Variants in TEX9 observed in about 807,000 individuals in gnomAD.
TEX9 encodes the protein testis expressed 9.
Under a neutral mutation model 59.6 loss-of-function variants are expected in TEX9, and 74 were observed. The ratio of observed to expected loss-of-function variants is 1.24; its 90% CI spans 1.03 to 1.51. TEX9 has a LOEUF of 1.51. Among genes scored for constraint, TEX9 ranks in the 40% most tolerant of loss-of-function variants. TEX9 has a pLI of 0.00. For missense variants in TEX9, 522 were observed against 447.8 expected, an observed-to-expected ratio of 1.17 and a Z score of -1.49; for synonymous variants, 186 against 152.2, an observed-to-expected ratio of 1.22 and a Z score of -1.64.
At chr15:56,459,174 C>G in the TEX9 span, among the ~76,000 whole-genome samples, 1 of 152,192 alleles carries the variant, frequency 6.6e-6, no homozygotes, top group Non-Finnish European at 1.5e-5. Flanking sequence ...CATGGATTTG[C>G]ATATTCTGGA....
At chr15:56,452,085 C>T in the TEX9 span, among the ~76,000 whole-genome samples, 1 of 152,178 alleles carries the variant, frequency 6.6e-6, no homozygotes, top group Non-Finnish European at 1.5e-5. Context: ...TACTTGTCTT[C>T]CCTGTCCTAT....
intron 10 of TEX9, among the ~76,000 whole-genome samples, chr15:56,422,356 A>T (rs1436611150): frequency 6.6e-6 from 1 of 151,682 alleles, no homozygotes; most frequent in African/African-American, 2.4e-5. Context: ...TATGGTTGGG[A>T]TTAACTCTAT....
chr15:56,306,485 T>C (rs1231717439), intron 1 of TEX9, among the ~76,000 whole-genome samples: 2 of 152,186 alleles, frequency 1.3e-5, no homozygotes, highest in African/African-American at 2.4e-5. Flanking sequence ...AGGTTTATTA[T>C]GTTAAGTGAA....
At chr15:56,267,956 G>C (rs774299457) in intron 1 of TEX9, among the ~76,000 whole-genome samples, 16 of 152,100 alleles carry the variant, frequency 1.1e-4, no homozygotes, top group Admixed American at 6.6e-4. Context: ...CTTCCTGTCT[G>C]TGAGCATGAA....
intron 12 of TEX9, among the ~76,000 whole-genome samples, chr15:56,436,790 A>G (rs2050733613): frequency 6.6e-6 from 1 of 152,200 alleles, no homozygotes; most frequent in South Asian, 2.1e-4. Context: ...CACAGATCCA[A>G]CGGAAATACT....
At chr15:56,291,390 A>G (rs1265861772) in intron 1 of TEX9, among the ~76,000 whole-genome samples, 1 of 152,170 alleles carries the variant, frequency 6.6e-6, no homozygotes, top group Non-Finnish European at 1.5e-5. Flanking sequence ...AGTTGATAAC[A>G]TAAGACAACA....
chr15:56,280,589 A>G (rs1418942870), intron 1 of TEX9, among the ~76,000 whole-genome samples: 2 of 152,256 alleles, frequency 1.3e-5, no homozygotes, highest in African/African-American at 4.8e-5. Context: ...CTATTCTAAC[A>G]ATTTCCAATA....
At chr15:56,273,056 C>T (rs1177370604) in intron 1 of TEX9, among the ~76,000 whole-genome samples, 1 of 151,874 alleles carries the variant, frequency 6.6e-6, no homozygotes, top group Non-Finnish European at 1.5e-5. Context: ...CGAGTTCAAG[C>T]AATTCTTCTG....
At chr15:56,276,009 A>G (rs1438893789) in intron 1 of TEX9, among the ~76,000 whole-genome samples, 1 of 152,016 alleles carries the variant, frequency 6.6e-6, no homozygotes. Flanking sequence ...AGTCAGTCTT[A>G]TGTCCTGTTG....
At chr15:56,333,181 C>G (rs961876301) in intron 1 of TEX9, among the ~76,000 whole-genome samples, 2 of 151,912 alleles carry the variant, frequency 1.3e-5, no homozygotes, top group Non-Finnish European at 2.9e-5. Context: ...ACAGTGTTAC[C>G]CTGACACCAA....
At chr15:56,309,724 T>TTTTTTTTTAAA (rs2045566144) in intron 1 of TEX9, among the ~76,000 whole-genome samples, 1 of 100,690 alleles carries the variant, frequency 9.9e-6, no homozygotes, top group Non-Finnish European at 2.0e-5. Flanking sequence ...TTTTTTTTTT[T>TTTTTTTTTAAA]AAAGCAGTGA....
At chr15:56,364,974 T>C (rs1011485385), upstream of TEX9, among the ~76,000 whole-genome samples, 1 of 152,192 alleles carries the variant, frequency 6.6e-6, no homozygotes, top group East Asian at 1.9e-4. Flanking sequence ...GCCAGGATAA[T>C]AATTTAGGTT....
At chr15:56,356,214 T>G (rs2046681707) in intron 1 of TEX9, among the ~76,000 whole-genome samples, 1 of 152,148 alleles carries the variant, frequency 6.6e-6, no homozygotes, top group South Asian at 2.1e-4. Context: ...TTTCTGACAT[T>G]AAGAGGAAGG....
intron 9 of TEX9, chr15:56,408,573 A>C (rs1271639409): frequency 2.6e-5 from 4 of 152,078 alleles, no homozygotes; most frequent in African/African-American, 9.7e-5. Context: ...CCCACTTGAT[A>C]TCTCTATTGT....
At chr15:56,261,674 G>A (rs556627299) in intron 1 of TEX9, among the ~76,000 whole-genome samples, 47 of 151,938 alleles carry the variant, frequency 3.1e-4, no homozygotes, top group South Asian at 6.2e-4. Context: ...CTAAGCTAAC[G>A]CCATTGCACT....
intron 1 of TEX9, among the ~76,000 whole-genome samples, chr15:56,355,275 TTATAAG>T (rs1252510418): frequency 2.6e-5 from 4 of 152,190 alleles, no homozygotes; most frequent in Admixed American, 1.3e-4. Flanking sequence ...CTGTGTTGTA[TTATAAG>T]TATATGTCTA....
At chr15:56,388,647 C>T in intron 5 of TEX9, 127 bp downstream of exon 5, 1 of 652,044 alleles carries the variant, frequency 1.5e-6, no homozygotes, top group East Asian at 2.7e-5. Flanking sequence ...CCTTGATACT[C>T]AGAGGGATGC....
downstream of TEX9, chr15:56,446,979 G>A (rs77189834): frequency 0.05 from 72,339 of 1,433,984 alleles, 2,299 homozygotes; most frequent in Admixed American, 0.12. Flanking sequence ...TAAATGTTAG[G>A]ACCATAAGAG....
At chr15:56,445,027 A>G (rs1419445326) in intron 12 of TEX9, among the ~76,000 whole-genome samples, 1 of 152,074 alleles carries the variant, frequency 6.6e-6, no homozygotes, top group Non-Finnish European at 1.5e-5. Flanking sequence ...AAACTGAGCT[A>G]GGCAATTTTC....
Sources: allele counts gnomAD v4.1 joint callset (sites outside exome capture counted in the v4.1 genomes callset), GRCh38; gene constraint gnomAD v4.1.1; transcripts MANE v1.5; gene names NCBI Gene and HGNC (gene_info 2026-07-23, HGNC 2026-07-21).